Variants in MAP3K2 observed in about 807,000 individuals in gnomAD.
The protein encoded by MAP3K2 is mitogen-activated protein kinase kinase kinase 2.
In MAP3K2, 24 loss-of-function variants were observed where a neutral mutation model predicts 80.3. The ratio of observed to expected loss-of-function variants is 0.30; its 90% confidence interval spans 0.22 to 0.42. The LOEUF (loss-of-function observed/expected upper bound fraction) is 0.42. MAP3K2 is among the 10% of genes least tolerant of loss of function. The pLI is 1.00. For missense variants in MAP3K2, 608 were observed against 750.1 expected (o/e 0.81, Z 2.21); for synonymous variants, 244 against 253.7 (o/e 0.96, Z 0.36).
Position 127,387,850 on chromosome 2 carries a change from C to G in MAP3K2, c.-464G>C, listed in dbSNP as rs977291113. On this transcript the variant is annotated 5_prime_UTR_variant, in exon 1 of 17. Transcript: ENST00000682094. ...GGACAGGGGCGCCGAGCGTCCTGGT[C>G]GTTGTTTTCGTCGCCGCCGCGGGCC... The G allele has an allele frequency of 1.0e-6, 1 of 984,766 alleles. No individual in the cohort carries two copies. Among genetic ancestry groups the G allele is most frequent in the African/African-American group, 1.8e-5 (1 of 57,096 alleles). 61.0% of individuals were successfully genotyped at this position (984,766 alleles called of 1,614,324 possible).
chr2:127,318,093 G>A, intron 13 of MAP3K2, 76 bp downstream of exon 13: 1 of 1,127,266 alleles, frequency 8.9e-7, no homozygotes, highest in Non-Finnish European at 1.2e-6. Context: ...TAGAATGGAA[G>A]GGGCTTAATG....
chr2:127,381,860 A>G (rs1223498776), intron 1 of MAP3K2, among the ~76,000 whole-genome samples: 1 of 151,714 alleles, frequency 6.6e-6, no homozygotes, highest in Non-Finnish European at 1.5e-5. Flanking sequence ...CTTTAAATCT[A>G]GTTTACACTT....
chr2:127,348,171 T>G (rs1280149485), intron 1 of MAP3K2, among the ~76,000 whole-genome samples: 1 of 152,154 alleles, frequency 6.6e-6, no homozygotes, highest in Non-Finnish European at 1.5e-5. Context: ...TTGGATCACT[T>G]GAGGTCAGGA....
At chr2:127,343,046 TAAC>T (rs1344398635) in intron 2 of MAP3K2, 77 bp downstream of exon 2, 3 of 1,054,188 alleles carry the variant, frequency 2.8e-6, no homozygotes, top group Non-Finnish European at 4.2e-6. Context: ...AGGTTTATAA[TAAC>T]ACATAATAGA....
rs182845536 is a variant in MAP3K2, at chr2:127,352,367, A to G, written c.-65-9173T>C. 2.4e-4 allele frequency among the ~76,000 whole-genome samples: 37 copies of G among 152,124 alleles called. 1 individual carries two copies. The highest frequency in any genetic ancestry group is 8.7e-4 in the African/African-American group (36 of 41,454). On this transcript the variant is annotated intron_variant, in intron 1 of 16. Transcript: ENST00000682094. Reference sequence around the variant, plus strand: ...TCCATTACAGCTTCCATGGCAATGCACTCTCACGAGTCTCCATTCTTCACC... The same window carrying G: ...TCCATTACAGCTTCCATGGCAATGCGCTCTCACGAGTCTCCATTCTTCACC...
At chr2:127,354,644 T>C (rs1285287883) in intron 1 of MAP3K2, among the ~76,000 whole-genome samples, 4 of 152,112 alleles carry the variant, frequency 2.6e-5, no homozygotes, top group Non-Finnish European at 5.9e-5. Flanking sequence ...GTAATTTAAC[T>C]GCTTCCCAAA....
At chr2:127,362,516 T>C (rs1686909287) in intron 1 of MAP3K2, among the ~76,000 whole-genome samples, 1 of 152,246 alleles carries the variant, frequency 6.6e-6, no homozygotes. Context: ...CTTAATTTTT[T>C]TTCTATATTT....
chr2:127,352,685 CCT>C (rs1686712090), intron 1 of MAP3K2, among the ~76,000 whole-genome samples: 1 of 151,840 alleles, frequency 6.6e-6, no homozygotes, highest in African/African-American at 2.4e-5. Flanking sequence ...CTTCCCTCTC[CCT>C]CTCCCTCCTC....
chr2:127,358,299 C>T (rs886967114), intron 1 of MAP3K2, among the ~76,000 whole-genome samples: 3 of 152,138 alleles, frequency 2.0e-5, no homozygotes, highest in East Asian at 1.9e-4. Context: ...GCAAGGATAC[C>T]GTGCAACTAA....
chr2:127,378,184 T>C lies in MAP3K2; in HGVS notation c.-66+9268A>G, dbSNP rs1687181570. On this transcript the variant is annotated intron_variant, in intron 1 of 16. Transcript: ENST00000682094. The stretch of plus-strand genomic sequence containing the variant: ...ACTACACATCCTCAAGGAACCAGAA[T>C]ACAAAGAAAAACCAAAGGTACAAAT... The C allele has an allele frequency of 5.1e-6, 5 of 983,354 alleles. No individual in the cohort carries two copies. The South Asian group carries it at 2.4e-4, about 46-fold the overall frequency. 60.9% of individuals were successfully genotyped at this position (983,354 alleles called of 1,614,324 possible). A position where few individuals can be genotyped will look rare whatever the true frequency, so the allele number is the denominator to read the frequency against.
intron 10 of MAP3K2, 29 bp from the exon 11 acceptor site, chr2:127,324,023 T>C: frequency 8.4e-7 from 1 of 1,194,620 alleles, no homozygotes; most frequent in East Asian, 2.5e-5. Flanking sequence ...TGGTTATCTT[T>C]TATTTAAAAA....
chr2:127,334,364 GA>G lies in MAP3K2; in HGVS notation c.264+1505del, dbSNP rs545844391. On this transcript the variant is annotated intron_variant, in intron 5 of 16. Transcript: ENST00000682094. ...TTCCATAATACAATTTTAGAAAAAA[GA>G]AAAAAAGATATGTCTAGGCTCCCCT... is the stretch of plus-strand genomic sequence containing the variant. Among the ~76,000 whole-genome samples, 21 of 152,078 alleles carry G rather than the reference GA, an allele frequency of 1.4e-4. No individual in the cohort carries two copies. In the East Asian group the frequency reaches 3.7e-3, roughly 27 times the overall value.
intron 1 of MAP3K2, among the ~76,000 whole-genome samples, chr2:127,357,339 A>G (rs778086999): frequency 6.6e-6 from 1 of 152,202 alleles, no homozygotes; most frequent in Non-Finnish European, 1.5e-5. Flanking sequence ...AATTAAAATT[A>G]TCAGCTGGGC....
intron 5 of MAP3K2, among the ~76,000 whole-genome samples, chr2:127,333,301 C>CAT (rs930425719): frequency 6.6e-6 from 1 of 151,464 alleles, no homozygotes; most frequent in Non-Finnish European, 1.5e-5. Flanking sequence ...CACACACACA[C>CAT]ACACCCCTTA....
chr2:127,366,878 T>G lies in MAP3K2; in HGVS notation c.-66+20574A>C, dbSNP rs540512548. Among the ~76,000 whole-genome samples, 270 of 141,288 alleles carry G rather than the reference T, an allele frequency of 1.9e-3. 2 individuals are homozygous for G. The highest frequency in any genetic ancestry group is 6.9e-3 in the African/African-American group (266 of 38,494). The allele number at this position is 141,288 out of a possible 152,430, so 92.7% of individuals were successfully genotyped here. A position where few individuals can be genotyped will look rare whatever the true frequency, so the allele number is the denominator to read the frequency against. On this transcript the variant is annotated intron_variant, in intron 1 of 16. Coordinates refer to ENST00000682094, the MANE Select transcript of MAP3K2 (RefSeq NM_001371910.2). ...CCCACAGTCAAGGGTTTTTTTTTTT[T>G]TTTTTTTTTTTGAGACAGAGTCTCG...
At position 127,310,162 on chromosome 2, in the gene MAP3K2, G is replaced by T. The variant is rs1280710383; in HGVS notation, c.1457-1400C>A. 6.6e-6 allele frequency among the ~76,000 whole-genome samples: 1 copy of T among 152,190 alleles called. No individual in the cohort carries two copies. Among genetic ancestry groups the T allele is most frequent in the Non-Finnish European group, 1.5e-5 (1 of 68,042 alleles). ...CTATTTATCAGTTTCAGCCACTGGA[G>T]TTCTTTCCACTGACTCTGTGTCCCT... On this transcript the variant is annotated intron_variant, in intron 15 of 16. Transcript: ENST00000682094. This position sits in a 1 kb window ranked among gnomAD's most constrained non-coding sequence, Gnocchi z 4.8.
intron 1 of MAP3K2, among the ~76,000 whole-genome samples, chr2:127,377,597 C>T (rs1413989171): frequency 6.6e-6 from 1 of 152,166 alleles, no homozygotes; most frequent in African/African-American, 2.4e-5. Flanking sequence ...CACTATGTGA[C>T]TCTGAGCCTT....
intron 5 of MAP3K2, among the ~76,000 whole-genome samples, chr2:127,335,048 G>C (rs1041432457): frequency 6.6e-6 from 1 of 152,152 alleles, no homozygotes; most frequent in African/African-American, 2.4e-5. Flanking sequence ...GATTACAAGC[G>C]TGAGCAACCA....
chr2:127,334,404 G>A (rs1047580999), intron 5 of MAP3K2, among the ~76,000 whole-genome samples: 1 of 152,176 alleles, frequency 6.6e-6, no homozygotes, highest in Non-Finnish European at 1.5e-5. Context: ...ATCATCCTAT[G>A]AGATAATAAT....
Sources: allele counts gnomAD v4.1 joint callset (sites outside exome capture counted in the v4.1 genomes callset), GRCh38; gene constraint gnomAD v4.1.1; non-coding constraint Gnocchi (gnomAD v3.1); transcripts MANE v1.5; gene names NCBI Gene and HGNC (gene_info 2026-07-23, HGNC 2026-07-21).